SLC39A4: variants seen among roughly 807,000 people sequenced by gnomAD.
SLC39A4 encodes zinc transporter ZIP4.
Under a neutral mutation model 56.6 loss-of-function variants are expected in SLC39A4, and 49 were observed. The ratio of observed to expected loss-of-function variants is 0.87; its 90% CI spans 0.69 to 1.10. The LOEUF (loss-of-function observed/expected upper bound fraction) is 1.10, where lower values mean the gene tolerates loss of function less well. Ranked by LOEUF, SLC39A4 falls within the 50% of genes least tolerant of loss-of-function variation. The pLI, the probability that SLC39A4 is intolerant of heterozygous loss-of-function variation, is 0.00. For missense variants in SLC39A4, 993 were observed against 864.2 expected (o/e 1.15, Z -1.87); for synonymous variants, 540 against 420.4 (o/e 1.28, Z -3.48).
intron 6 of SLC39A4, 79 bp from the exon 7 acceptor site, chr8:144,414,174 T>TCAGGAGA: frequency 1.3e-6 from 2 of 1,560,264 alleles, no homozygotes; most frequent in Middle Eastern, 1.9e-4. Context: ...GGTCAGGAGG[T>TCAGGAGA]GGGGTGGGTA....
intron 8 of SLC39A4, 28 bp downstream of exon 8, chr8:144,413,722 T>C (rs2928381): frequency 0.91 from 1,400,627 of 1,534,464 alleles, 641,446 homozygotes; most frequent in East Asian, 1. Context: ...GGGCTCCGCG[T>C]GGGATGGGGC....
chr8:144,413,777 G>A lies in SLC39A4; in HGVS notation c.1392C>T (p.Pro464=). 6.5e-7 allele frequency: 1 copy of A among 1,545,522 alleles called. No individual in the cohort carries two copies. The highest frequency in any genetic ancestry group is 8.7e-7 in the Non-Finnish European group (1 of 1,151,164). The part of the protein sequence containing the change: ...LAPSELRQPK[P]PHEGSRADLV... ...GGTCTGCGCGGGAGCCCTCGTGGGG[G>A]GGCTTGGGCTGCCGGAGCTCGCTGG... The change falls in exon 8 of 12, where the codon CCC becomes CCT. Residue 464 remains proline (P), a synonymous_variant. Transcript: ENST00000301305.
At chr8:144,416,190 G>A in intron 1 of SLC39A4, 99 bp from the exon 2 acceptor site, 3 of 1,593,688 alleles carry the variant, frequency 1.9e-6, no homozygotes, top group South Asian at 2.2e-5. Context: ...TCCCTTTCAA[G>A]TCCAACAACG....
At chr8:144,415,171 A>G in intron 3 of SLC39A4, 56 bp downstream of exon 3, 4 of 1,612,700 alleles carry the variant, frequency 2.5e-6, no homozygotes, top group South Asian at 1.1e-5. Context: ...CCCCCCAGGG[A>G]CGTGGAGGCT....
intron 9 of SLC39A4, 56 bp from the exon 10 acceptor site, chr8:144,413,445 G>A: frequency 6.3e-7 from 1 of 1,584,950 alleles, no homozygotes; most frequent in Non-Finnish European, 8.6e-7. Flanking sequence ...GCCAAGCCTT[G>A]GGCCCCACCC....
intron 10 of SLC39A4, 82 bp from the exon 11 acceptor site, chr8:144,413,028 C>CA: frequency 6.6e-7 from 1 of 1,514,784 alleles, no homozygotes; most frequent in South Asian, 1.2e-5. Flanking sequence ...CCTCTTACCA[C>CA]CAGGCCCCGC....
chr8:144,415,996 G>A lies in SLC39A4; in HGVS notation c.288C>T (p.Leu96=), dbSNP rs1554873886. Residue 96 remains leucine (L), a synonymous_variant, in exon 2 of 12, where the codon CTC becomes CTT. Coordinates refer to ENST00000301305, the MANE Select transcript of SLC39A4 (RefSeq NM_130849.4). ...PVLEARYVAR[L]SAAAVLYLSN... ...TGAGGTACAGGACGGCGGCGGCACT[G>A]AGGCGGGCGACGTACCTGGCCTCCA... 8.8e-6 allele frequency: 14 copies of A among 1,584,072 alleles called. No individual in the cohort carries two copies. The Admixed American group carries it at 1.2e-4, about 14-fold the overall frequency.
Position 144,413,886 on chromosome 8 carries a change from G to C in SLC39A4, c.1288-5C>G. On this transcript the variant is annotated splice_region_variant and splice_polypyrimidine_tract_variant and intron_variant, in intron 7 of 11. Coordinates refer to ENST00000301305, the MANE Select transcript of SLC39A4 (RefSeq NM_130849.4). The stretch of plus-strand genomic sequence containing the variant: ...GCAGGGCCCGTCCTCCAGGTCCTGT[G>C]AGGGTAGGTGCTCAGTGTCCACCAG... 6.2e-7 allele frequency: 1 copy of C among 1,608,010 alleles called. No homozygotes were observed.
chr8:144,413,797 C>A lies in SLC39A4; in HGVS notation c.1372G>T (p.Glu458Ter). 2 of 1,560,034 alleles carry A rather than the reference C, an allele frequency of 1.3e-6. No homozygotes were observed. The highest frequency in any genetic ancestry group is 1.7e-6 in the Non-Finnish European group (2 of 1,158,192). ...TGGGGGGGCTTGGGCTGCCGGAGCT[C>A]GCTGGGTGCCAGCTGCAGGGACACA... ...HGVSLQLAPS[E>*]LRQPKPPHEG... The change falls in exon 8 of 12, where the codon GAG becomes TAG. Residue 458 changes from glutamate (E) to a stop codon, truncating the protein, a stop_gained. Transcript: ENST00000301305. LOFTEE classifies it high-confidence loss of function.
In SLC39A4 at chr8:144,412,515, A is replaced by G. The variant is rs1564705650; in HGVS notation, c.*23T>C. ...TGTGAGGTGTGGGATCTTAAGTCAAAGGTGGGGGACTAGGGCAGGGTATCA... is the reference window on the plus strand; with the variant it reads ...TGTGAGGTGTGGGATCTTAAGTCAAGGGTGGGGGACTAGGGCAGGGTATCA... On this transcript the variant is annotated 3_prime_UTR_variant, in exon 12 of 12. Transcript: ENST00000301305. 6.2e-7 allele frequency: 1 copy of G among 1,614,088 alleles called. No individual in the cohort carries two copies.
chr8:144,412,455 C>T lies in SLC39A4; in HGVS notation c.*83G>A. The stretch of plus-strand genomic sequence containing the variant: ...TCTTTACTGGAGTTGGGACTGGGGC[C>T]TCTATAGGGGCTTCTGGTTTCTGGG... On this transcript the variant is annotated 3_prime_UTR_variant, in exon 12 of 12. Transcript: ENST00000301305. 1 of 1,609,192 alleles carries T rather than the reference C, an allele frequency of 6.2e-7. No homozygotes were observed. The highest frequency in any genetic ancestry group is 2.2e-5 in the East Asian group (1 of 44,812).
rs1822065734 is a variant in SLC39A4, at chr8:144,414,301, A to G, written c.1110T>C (p.Gly370=). ...ILQTFLSLAV[G]AVTGDAVLHL... is the part of the protein sequence containing the mutation. ...GCAGGACAGCGTCCCCAGTGACTGC[A>G]CCCACTGCCAGGCTCAGGAAGGTCT... is the stretch of plus-strand genomic sequence containing the variant. Residue 370 remains glycine (G), a synonymous_variant, in exon 6 of 12, where the codon GGT becomes GGC. Coordinates refer to ENST00000301305, the MANE Select transcript of SLC39A4 (RefSeq NM_130849.4). 6.2e-7 allele frequency: 1 copy of G among 1,606,806 alleles called. No individual in the cohort carries two copies. The highest frequency in any genetic ancestry group is 2.2e-5 in the East Asian group (1 of 44,576).
rs1282101337 is a variant in SLC39A4 at position 144,415,068 on chromosome 8, G to A, written c.710C>T (p.Ala237Val). The A allele has an allele frequency of 5.0e-6, 8 of 1,611,322 alleles. No individual in the cohort carries two copies. The highest frequency in any genetic ancestry group is 5.9e-6 in the Non-Finnish European group (7 of 1,179,932). Residue 237 changes from alanine (A) to valine (V), a missense_variant, in exon 4 of 12, where the codon GCC becomes GTC. Transcript: ENST00000301305. ...GTGCCGATGACTGTGGTCACTGTGG[G>A]CCTCCCTGCCCACCCCCAGGCGCTG... is the stretch of plus-strand genomic sequence containing the variant. The part of the protein sequence containing the change: ...LMQRLGVGRE[A>V]HSDHSHRHRG...
In SLC39A4 at chr8:144,414,408, G is replaced by A. The variant is rs371258910; in HGVS notation, c.1003C>T (p.Leu335=). 11 of 1,564,958 alleles carry A rather than the reference G, an allele frequency of 7.0e-6. No individual in the cohort carries two copies. Among genetic ancestry groups the A allele is most frequent in the Non-Finnish European group, 9.5e-6 (11 of 1,155,248 alleles). The change falls in exon 6 of 12, where the codon CTG becomes TTG. Residue 335 remains leucine (L), a synonymous_variant. Coordinates refer to ENST00000301305, the MANE Select transcript of SLC39A4 (RefSeq NM_130849.4). ...ERYLYGSLAT[L]LICLCAVFGL... ...AAGACCGCGCAGAGGCAGATGAGCA[G>A]CGTGGCCAGGGAGCCGTACAGATAC... is the stretch of plus-strand genomic sequence containing the variant.
chr8:144,416,475 C>A, intron 1 of SLC39A4, 123 bp downstream of exon 1: 1 of 1,473,250 alleles, frequency 6.8e-7, no homozygotes, highest in South Asian at 1.4e-5. Flanking sequence ...TCAGGGTGCC[C>A]AGGTACTGCC....
rs782022179 is a variant in SLC39A4 at position 144,413,981 on chromosome 8, GA to G, written c.1263del (p.Leu422SerfsTer61). 2 of 1,609,700 alleles carry G rather than the reference GA, an allele frequency of 1.2e-6. No homozygotes were observed. The highest frequency in any genetic ancestry group is 1.7e-6 in the Non-Finnish European group (2 of 1,178,236). ...YAFFLFENLF[N>X]LLLPRDPEDL... ...ACCTCCGGGTCCCTGGGCAGCAGGA[GA>G]TTGAAGAGGTTCTCAAACAGGAAGA... On this transcript the variant is annotated frameshift_variant, in exon 7 of 12. Transcript: ENST00000301305. LOFTEE classifies it high-confidence loss of function.
At position 144,415,045 on chromosome 8, in the gene SLC39A4, G is replaced by A. The variant is rs782607456; in HGVS notation, c.733C>T (p.His245Tyr). The change falls in exon 4 of 12, where the codon CAC becomes TAC. Residue 245 changes from histidine to tyrosine, a missense_variant. Transcript: ENST00000301305. ...GGGTCCCGGCTGCTGGCTCCCCTGTGCCGATGACTGTGGTCACTGTGGGCC... is the reference window on the plus strand; with the variant it reads ...GGGTCCCGGCTGCTGGCTCCCCTGTACCGATGACTGTGGTCACTGTGGGCC... Reference protein sequence around the residue: ...REAHSDHSHRHRGASSRDPVP... With the variant: ...REAHSDHSHRYRGASSRDPVP... The A allele has an allele frequency of 3.1e-6, 5 of 1,611,484 alleles. No individual in the cohort carries two copies. Among genetic ancestry groups the A allele is most frequent in the African/African-American group, 1.3e-5 (1 of 75,020 alleles).
In SLC39A4 at chr8:144,413,698, G is replaced by A. The variant is rs1444608447; in HGVS notation, c.1419+52C>T. ...GGGGCTGGGAGTGTGGGCGTGGGAA[G>A]GGGTCGGTGGGAGGGGCTCCGCGTG... On this transcript the variant is annotated intron_variant, in intron 8 of 11. Coordinates refer to ENST00000301305, the MANE Select transcript of SLC39A4 (RefSeq NM_130849.4). 5 of 1,535,848 alleles carry A rather than the reference G, an allele frequency of 3.3e-6. No individual in the cohort carries two copies. In the African/African-American group the frequency reaches 5.5e-5, roughly 17 times the overall value.
chr8:144,416,210 C>T, intron 1 of SLC39A4, 119 bp from the exon 2 acceptor site: 1 of 1,591,568 alleles, frequency 6.3e-7, no homozygotes, highest in Non-Finnish European at 8.5e-7. Flanking sequence ...GTCCACCATC[C>T]TCTCTCAACC....
Sources: allele counts gnomAD v4.1 joint callset, GRCh38; gene constraint gnomAD v4.1.1; transcripts MANE v1.5; gene names NCBI Gene and HGNC (gene_info 2026-07-23, HGNC 2026-07-21).